The following ACADSB variants were observed in gnomAD, a reference collection of about 807,000 sequenced individuals.
ACADSB encodes short/branched chain specific acyl-CoA dehydrogenase, mitochondrial.
ACADSB carries 40 observed loss-of-function variants against 54.1 expected under a neutral mutation model. The observed-to-expected ratio is 0.74, with a 90% CI of 0.57 to 0.96. The LOEUF (loss-of-function observed/expected upper bound fraction) is 0.96, where lower values mean the gene tolerates loss of function less well. Ranked by LOEUF, ACADSB falls within the 40% of genes least tolerant of loss-of-function variation. The probability of loss-of-function intolerance (pLI) is 0.00; values close to 1 mark genes in which losing one functional copy is unlikely to be tolerated. For synonymous variants in ACADSB, 182 were observed against 182.8 expected (o/e 1.00, Z 0.03); for missense variants, 530 against 510.4 (o/e 1.04, Z -0.37).
At chr10:123,035,841 C>G (rs1414638404) in intron 2 of ACADSB, among the ~76,000 whole-genome samples, 1 of 152,174 alleles carries the variant, frequency 6.6e-6, no homozygotes. Flanking sequence ...CTCCCAGCAT[C>G]GAGTCTCTCT....
At chr10:123,021,273 G>A (rs1447187363) in intron 1 of ACADSB, among the ~76,000 whole-genome samples, 2 of 152,250 alleles carry the variant, frequency 1.3e-5, no homozygotes, top group Non-Finnish European at 2.9e-5. Flanking sequence ...ACTATAAGAT[G>A]GGATTCTCAT....
intron 7 of ACADSB, among the ~76,000 whole-genome samples, 183 bp downstream of exon 7, chr10:123,044,668 A>C (rs1850527255): frequency 2.0e-5 from 3 of 152,220 alleles, no homozygotes; most frequent in Admixed American, 2.0e-4. Context: ...GTAAGTGTCC[A>C]TAGAACCAAA....
At chr10:123,037,920 C>T (rs1449698956) in intron 3 of ACADSB, 73 bp downstream of exon 3, 2 of 1,042,574 alleles carry the variant, frequency 1.9e-6, no homozygotes, top group Non-Finnish European at 1.5e-6. Context: ...GCATAATGAA[C>T]CCTGCATTTC....
chr10:123,050,914 T>C (rs1850622011), intron 8 of ACADSB, 135 bp from the exon 9 acceptor site: 1 of 839,442 alleles, frequency 1.2e-6, no homozygotes, highest in Non-Finnish European at 1.9e-6. Flanking sequence ...TTAAAGTATT[T>C]AAAAGACGTG....
chr10:123,009,074 G>T lies in ACADSB; in HGVS notation c.42+3G>T. On this transcript the variant is annotated splice_donor_region_variant and intron_variant, in intron 1 of 10. Coordinates refer to ENST00000358776, the MANE Select transcript of ACADSB (RefSeq NM_001609.4). The stretch of plus-strand genomic sequence containing the variant: ...GGTTGCTGCGCGGCAGCAGGCTGGT[G>T]AGTGCGTTCGAGGCTGGCGTCCTGG... 6.5e-7 allele frequency: 1 copy of T among 1,545,932 alleles called. No homozygotes were observed. The highest frequency in any genetic ancestry group is 8.7e-7 in the Non-Finnish European group (1 of 1,146,688).
intron 1 of ACADSB, among the ~76,000 whole-genome samples, chr10:123,018,091 G>C (rs997815296): frequency 2.0e-5 from 3 of 152,130 alleles, no homozygotes; most frequent in African/African-American, 7.2e-5. Context: ...CAGTCTCTCA[G>C]GTGAAATTTT....
chr10:123,044,104 A>G (rs1176038210), intron 6 of ACADSB, among the ~76,000 whole-genome samples: 1 of 152,126 alleles, frequency 6.6e-6, no homozygotes, highest in African/African-American at 2.4e-5. Context: ...GGGGGGGAAA[A>G]GTATTAATTT....
At chr10:123,034,591 C>T in intron 2 of ACADSB, 76 bp downstream of exon 2, 1 of 1,498,514 alleles carries the variant, frequency 6.7e-7, no homozygotes, top group South Asian at 1.1e-5. Context: ...TCATGGCTCA[C>T]TGCAGCCCCA....
At chr10:123,038,329 T>A (rs1248709958) in intron 3 of ACADSB, among the ~76,000 whole-genome samples, 1 of 152,226 alleles carries the variant, frequency 6.6e-6, no homozygotes, top group Non-Finnish European at 1.5e-5. Flanking sequence ...TAGTTTATAT[T>A]CTACCTGAAG....
At chr10:123,026,253 C>T (rs962196279) in intron 1 of ACADSB, among the ~76,000 whole-genome samples, 3 of 152,188 alleles carry the variant, frequency 2.0e-5, no homozygotes, top group Non-Finnish European at 4.4e-5. Context: ...TCAGTAGCCA[C>T]AGGGAAAAAC....
At chr10:123,026,934 A>C (rs1018044774) in intron 1 of ACADSB, among the ~76,000 whole-genome samples, 2 of 152,218 alleles carry the variant, frequency 1.3e-5, no homozygotes, top group African/African-American at 4.8e-5. Flanking sequence ...ATGTGATAAC[A>C]GAGCTTTTTT....
At chr10:123,029,433 A>G (rs1218982664) in intron 1 of ACADSB, among the ~76,000 whole-genome samples, 1 of 151,840 alleles carries the variant, frequency 6.6e-6, no homozygotes, top group Non-Finnish European at 1.5e-5. Flanking sequence ...TACAACCTCC[A>G]TCCTGAAGCT....
intron 2 of ACADSB, 142 bp downstream of exon 2, chr10:123,034,657 C>A: frequency 1.2e-6 from 1 of 853,524 alleles, no homozygotes; most frequent in Non-Finnish European, 1.9e-6. Context: ...AAAATATCAC[C>A]TTATTATTCC....
chr10:123,012,376 C>G (rs1455650126), intron 1 of ACADSB, among the ~76,000 whole-genome samples: 1 of 152,144 alleles, frequency 6.6e-6, no homozygotes, highest in Non-Finnish European at 1.5e-5. Flanking sequence ...GAAGCTTGAT[C>G]CCCAGTGCGG....
At chr10:123,022,933 C>T (rs1167724398) in intron 1 of ACADSB, among the ~76,000 whole-genome samples, 1 of 152,182 alleles carries the variant, frequency 6.6e-6, no homozygotes, top group Non-Finnish European at 1.5e-5. Context: ...ACATTTATCC[C>T]ATTTACTGTA....
chr10:123,031,443 A>G (rs1315906393), intron 1 of ACADSB, among the ~76,000 whole-genome samples: 1 of 152,160 alleles, frequency 6.6e-6, no homozygotes, highest in Non-Finnish European at 1.5e-5. Flanking sequence ...GTTCTATACA[A>G]AAAAATGTGA....
At chr10:123,026,840 A>G (rs1361750082) in intron 1 of ACADSB, among the ~76,000 whole-genome samples, 1 of 152,150 alleles carries the variant, frequency 6.6e-6, no homozygotes, top group African/African-American at 2.4e-5. Context: ...TTAAGAGAAC[A>G]CTAGAAGGAT....
intron 7 of ACADSB, among the ~76,000 whole-genome samples, chr10:123,045,173 T>TATA (rs1850544636): frequency 3.4e-5 from 1 of 29,472 alleles, no homozygotes; most frequent in Non-Finnish European, 9.7e-5. Flanking sequence ...ATATATATAT[T>TATA]TTTTTTTTTT....
Position 123,044,399 on chromosome 10 carries a change from G to A in ACADSB, c.814G>A (p.Glu272Lys), listed in dbSNP as rs770351141. The A allele has an allele frequency of 6.2e-7, 1 of 1,611,980 alleles. No homozygotes were observed. Among genetic ancestry groups the A allele is most frequent in the South Asian group, 1.1e-5 (1 of 91,030 alleles). Reference protein sequence around the residue: ...PLTFENVKVPEANILGQIGHG... With the variant: ...PLTFENVKVPKANILGQIGHG... ...TGCACATTTGTATTTTCAGGTTCCA[G>A]AAGCCAATATCTTGGGACAAATTGG... is the stretch of plus-strand genomic sequence containing the variant. Residue 272 changes from glutamate to lysine, a missense_variant, in exon 7 of 11, where the codon GAA becomes AAA. Glu to Lys is a moderately conservative substitution (Grantham distance 56). Coordinates refer to ENST00000358776, the MANE Select transcript of ACADSB (RefSeq NM_001609.4).
Sources: allele counts gnomAD v4.1 joint callset (sites outside exome capture counted in the v4.1 genomes callset), GRCh38; gene constraint gnomAD v4.1.1; transcripts MANE v1.5; gene names NCBI Gene and HGNC (gene_info 2026-07-23, HGNC 2026-07-21).